The following NRG4 variants were observed in gnomAD, a reference collection of about 807,000 sequenced individuals.
The protein encoded by NRG4 is neuregulin 4, also known as pro-neuregulin-4, membrane-bound isoform.
A neutral mutation model predicts 15.0 loss-of-function variants in NRG4; 10 were observed. The observed-to-expected ratio is 0.67, with a 90% CI of 0.41 to 1.13. NRG4 has a LOEUF of 1.13. Ranked by LOEUF, NRG4 falls within the 50% of genes most tolerant of loss-of-function variation. NRG4 has a pLI of 0.00. For synonymous variants in NRG4, 41 were observed against 50.1 expected (o/e 0.82, Z 0.77); for missense variants, 139 against 140.2 (o/e 0.99, Z 0.04).
intron 5 of NRG4, among the ~76,000 whole-genome samples, chr15:76,030,837 T>C (rs2141941261): frequency 6.6e-6 from 1 of 152,354 alleles, no homozygotes; most frequent in South Asian, 2.1e-4. Context: ...GATAACATTA[T>C]ACACAATCTT....
At chr15:76,001,942 A>G (rs1302148977) in intron 3 of NRG4, among the ~76,000 whole-genome samples, 1 of 152,194 alleles carries the variant, frequency 6.6e-6, no homozygotes, top group African/African-American at 2.4e-5. Flanking sequence ...TACAAAGCTT[A>G]GCTCAAAAGC....
intron 3 of NRG4, chr15:76,005,909 A>G: frequency 3.8e-6 from 1 of 262,578 alleles, no homozygotes; most frequent in Non-Finnish European, 7.8e-6. Flanking sequence ...AGACCAAGGA[A>G]GAAATGGCCA....
intron 3 of NRG4, among the ~76,000 whole-genome samples, chr15:75,993,050 C>T (rs1240647255): frequency 6.6e-6 from 1 of 151,992 alleles, no homozygotes; most frequent in East Asian, 1.9e-4. Flanking sequence ...ATATTTCCTT[C>T]CACTATCTTT....
chr15:76,052,282 T>A (rs1347582733), intron 3 of NRG4: 2 of 150,598 alleles, frequency 1.3e-5, no homozygotes, highest in African/African-American at 4.9e-5. Context: ...AATGTTTTTC[T>A]TTTACTTAGT....
intron 5 of NRG4, among the ~76,000 whole-genome samples, chr15:75,951,850 T>C (rs2031922190): frequency 6.6e-6 from 1 of 152,344 alleles, no homozygotes; most frequent in Non-Finnish European, 1.5e-5. Flanking sequence ...ATTTAAATAA[T>C]ACGAGAAAGA....
intron 5 of NRG4, among the ~76,000 whole-genome samples, chr15:75,946,956 G>A (rs1419957360): frequency 3.3e-5 from 5 of 152,174 alleles, no homozygotes; most frequent in Non-Finnish European, 7.3e-5. Flanking sequence ...ATCCACTGAT[G>A]GGTATTTGGG....
intron 4 of NRG4, among the ~76,000 whole-genome samples, chr15:76,043,988 T>C (rs1032420757): frequency 2.6e-5 from 4 of 152,098 alleles, no homozygotes; most frequent in African/African-American, 4.8e-5. Flanking sequence ...AATCCATACA[T>C]GAACTAATTT....
chr15:76,017,397 T>C (rs939440448), upstream of NRG4, among the ~76,000 whole-genome samples: 1 of 152,106 alleles, frequency 6.6e-6, no homozygotes, highest in African/African-American at 2.4e-5. Context: ...GCTAGCTAGT[T>C]GTTTTGCCCC....
chr15:75,978,439 T>G (rs758305646), intron 3 of NRG4, among the ~76,000 whole-genome samples: 2 of 152,208 alleles, frequency 1.3e-5, no homozygotes, highest in Non-Finnish European at 2.9e-5. Flanking sequence ...TCTTTATCCA[T>G]TCACCTGTTG....
At chr15:75,948,127 T>C (rs2031644049) in intron 5 of NRG4, among the ~76,000 whole-genome samples, 1 of 152,186 alleles carries the variant, frequency 6.6e-6, no homozygotes, top group South Asian at 2.1e-4. Flanking sequence ...ACTCTGCTGA[T>C]AGTGTCTTTT....
Position 75,949,303 on chromosome 15 carries a change from C to T in NRG4, c.332-5649G>A, listed in dbSNP as rs184160900. On this transcript the variant is annotated intron_variant, in intron 5 of 5. Coordinates refer to ENST00000394907, the MANE Select transcript of NRG4 (RefSeq NM_138573.4). ...GCACATGTGTGTAGTCCCAGCTACT[C>T]GGGAGGCTGAGACACAAGAATCCAT... is the stretch of plus-strand genomic sequence containing the variant. Among the ~76,000 whole-genome samples, 623 of 151,084 alleles carry T rather than the reference C, an allele frequency of 4.1e-3. 1 individual carries two copies. Among genetic ancestry groups the T allele is most frequent in the Non-Finnish European group, 6.2e-3 (421 of 67,878 alleles).
chr15:75,956,517 TATG>T (rs66549866), intron 4 of NRG4, among the ~76,000 whole-genome samples: 136,667 of 152,110 alleles, frequency 0.9, 62,599 homozygotes, highest in East Asian at 1. Flanking sequence ...TGATTTATGT[TATG>T]ATAGATTTTG....
At chr15:76,037,347 CCCATCA>C (rs2035619103) in intron 4 of NRG4, among the ~76,000 whole-genome samples, 2 of 152,190 alleles carry the variant, frequency 1.3e-5, no homozygotes, top group African/African-American at 4.8e-5. Context: ...CCTCCCCTAT[CCCATCA>C]CAGTAGCCAA....
intron 4 of NRG4, among the ~76,000 whole-genome samples, chr15:76,048,522 T>G (rs1040740065): frequency 2.7e-5 from 4 of 149,900 alleles, no homozygotes; most frequent in African/African-American, 1.0e-4. Flanking sequence ...TATAAACTCT[T>G]AAGCTACTGC....
rs988944492 is a variant in NRG4, at chr15:76,037,082, A to G, written c.-104-1091T>C. 1.7e-4 allele frequency among the ~76,000 whole-genome samples: 26 copies of G among 152,252 alleles called. 1 individual carries two copies. The highest frequency in any genetic ancestry group is 1.4e-3 in the Admixed American group (22 of 15,286). ...ACATACAAAAATCAATAGTATTTCT[A>G]TACGCCAAAAGCAAACAATCTGAAA... On this transcript the variant is annotated intron_variant, in intron 4 of 8. Coordinates refer to the NRG4 transcript ENST00000563910.
At chr15:76,032,552 CAT>C (rs1002237741) in intron 5 of NRG4, among the ~76,000 whole-genome samples, 4 of 152,238 alleles carry the variant, frequency 2.6e-5, no homozygotes, top group African/African-American at 9.6e-5. Flanking sequence ...AAATAACAAA[CAT>C]AAAATCTTAA....
chr15:75,955,272 G>C (rs1381652422), intron 5 of NRG4, among the ~76,000 whole-genome samples: 3 of 152,046 alleles, frequency 2.0e-5, no homozygotes, highest in African/African-American at 7.3e-5. Flanking sequence ...TCTCAACTCG[G>C]AGTCAGCCAA....
intron 3 of NRG4, among the ~76,000 whole-genome samples, chr15:75,969,857 ATTTTAAACTGTTCT>A (rs1187589624): frequency 6.6e-6 from 1 of 152,226 alleles, no homozygotes; most frequent in African/African-American, 2.4e-5. Flanking sequence ...TGTTTTATGC[ATTTTAAACTGTTCT>A]TTTATTATAA....
intron 4 of NRG4, among the ~76,000 whole-genome samples, chr15:76,040,139 A>G (rs974251475): frequency 5.9e-5 from 9 of 152,206 alleles, no homozygotes; most frequent in Admixed American, 2.6e-4. Context: ...CCCAAAGGTT[A>G]AGGATAAAGA....
Sources: gnomAD v4.1 joint callset for allele counts (sites outside exome capture counted in the v4.1 genomes callset) on GRCh38, gnomAD v4.1.1 for gene constraint, MANE v1.5 for transcripts, NCBI Gene and HGNC (gene_info 2026-07-23, HGNC 2026-07-21) for gene names.